USP37: variants seen among roughly 807,000 people sequenced by gnomAD.
The protein encoded by USP37 is ubiquitin specific peptidase 37.
USP37 carries 27 observed loss-of-function variants against 124.0 expected under a neutral mutation model. The observed-to-expected ratio is 0.22, with a 90% CI of 0.16 to 0.30. USP37 has a LOEUF of 0.30. Among genes scored for constraint, USP37 ranks in the 10% least tolerant of loss-of-function variants. The probability of loss-of-function intolerance (pLI) is 1.00; values close to 1 mark genes in which losing one functional copy is unlikely to be tolerated. For synonymous variants in USP37, 365 were observed against 388.0 expected (o/e 0.94, Z 0.70); for missense variants, 889 against 1,140.4 (o/e 0.78, Z 3.17).
chr2:218,519,872 G>C (rs542309817), intron 10 of USP37, among the ~76,000 whole-genome samples: 30 of 151,900 alleles, frequency 2.0e-4, no homozygotes, highest in Admixed American at 5.9e-4. Context: ...CAAAGTGCTG[G>C]GATTACAGGC....
At chr2:218,536,334 G>C (rs1234624974) in intron 8 of USP37, among the ~76,000 whole-genome samples, 1 of 152,120 alleles carries the variant, frequency 6.6e-6, no homozygotes, top group Non-Finnish European at 1.5e-5. Flanking sequence ...GCCCCACCTA[G>C]ATTCCCACTG....
At chr2:218,547,411 T>TTTG (rs60295941) in intron 6 of USP37, among the ~76,000 whole-genome samples, 56 of 151,776 alleles carry the variant, frequency 3.7e-4, no homozygotes, top group East Asian at 1.4e-3. Flanking sequence ...ATTCATCAGT[T>TTTG]TTGTTGTTGT....
chr2:218,556,064 G>A (rs998758197), intron 4 of USP37, among the ~76,000 whole-genome samples: 84 of 151,956 alleles, frequency 5.5e-4, no homozygotes, highest in African/African-American at 2.0e-3. Flanking sequence ...AAAGTCATCT[G>A]CCTAGCCCCA....
chr2:218,477,811 T>G (rs1217919454), intron 18 of USP37, among the ~76,000 whole-genome samples: 3 of 152,226 alleles, frequency 2.0e-5, no homozygotes, highest in Non-Finnish European at 2.9e-5. Context: ...TAGAAACATT[T>G]TCATCCAAAC....
intron 19 of USP37, 169 bp from the exon 20 acceptor site, chr2:218,475,054 A>C (rs141055941): frequency 1.2e-4 from 59 of 510,046 alleles, no homozygotes; most frequent in African/African-American, 1.1e-3. Context: ...GTCTAACTTT[A>C]AAAATAATAA....
intron 20 of USP37, among the ~76,000 whole-genome samples, chr2:218,473,462 G>A (rs1690800650): frequency 6.6e-6 from 1 of 152,182 alleles, no homozygotes; most frequent in Non-Finnish European, 1.5e-5. Context: ...TTACTTGCAT[G>A]CAAAATAATT....
chr2:218,495,775 G>C lies in USP37; in HGVS notation c.1457C>G (p.Ser486Cys). ...CACTACTTACGCTTTACAAATGATG[G>C]AGTGCTGAACCTCAAACTCCAAATT... ...ITNLEFEVQH[S>C]IICKACGEII... Residue 486 changes from serine (S) to cysteine (C), a missense_variant, in exon 14 of 26, where the codon TCC (serine) becomes TGC (cysteine). Ser to Cys is a moderately radical substitution (Grantham distance 112). Transcript: ENST00000258399. The C allele has an allele frequency of 1.9e-6, 3 of 1,610,032 alleles. No homozygotes were observed. The highest frequency in any genetic ancestry group is 2.5e-6 in the Non-Finnish European group (3 of 1,179,110).
chr2:218,482,130 G>A lies in USP37; in HGVS notation c.1775C>T (p.Ser592Phe). ...TGGTTTTGTATTTTCAGTGCAATGA[G>A]ATGACAGGGTCAGGTATCTTGGAAT... ...VIIPRYLTLS[S>F]HCTENTKPPF... The change falls in exon 17 of 26, where the codon TCT (serine) becomes TTT (phenylalanine). Residue 592 changes from serine (S) to phenylalanine (F), a missense_variant. Around this residue, in one of 3 missense-constraint regions of USP37, gnomAD observed 504 missense variants for 714.3 expected, o/e 0.71. Transcript: ENST00000258399. 1 of 1,613,838 alleles carries A rather than the reference G, an allele frequency of 6.2e-7. No homozygotes were observed. The highest frequency in any genetic ancestry group is 8.5e-7 in the Non-Finnish European group (1 of 1,179,828).
chr2:218,494,300 T>C (rs1486476768), intron 14 of USP37, among the ~76,000 whole-genome samples: 2 of 152,190 alleles, frequency 1.3e-5, no homozygotes, highest in African/African-American at 2.4e-5. Context: ...GGAGAACCAA[T>C]ATGGATTATG....
At chr2:218,557,035 TC>T (rs921049141) in intron 4 of USP37, among the ~76,000 whole-genome samples, 19 of 151,530 alleles carry the variant, frequency 1.3e-4, no homozygotes, top group African/African-American at 4.4e-4. Flanking sequence ...GCTATTTGTT[TC>T]TGAATTTTTT....
At chr2:218,502,792 A>G (rs779575978) in intron 11 of USP37, among the ~76,000 whole-genome samples, 1 of 152,204 alleles carries the variant, frequency 6.6e-6, no homozygotes, top group Non-Finnish European at 1.5e-5. Flanking sequence ...AAGTAGCATT[A>G]TAAGAAACCC....
intron 10 of USP37, among the ~76,000 whole-genome samples, chr2:218,517,815 C>T (rs1198880759): frequency 6.6e-6 from 1 of 152,186 alleles, no homozygotes; most frequent in Non-Finnish European, 1.5e-5. Context: ...TGTCCCTCTT[C>T]TTTGAGACTT....
At chr2:218,490,148 A>G (rs1691849810) in intron 14 of USP37, among the ~76,000 whole-genome samples, 1 of 152,098 alleles carries the variant, frequency 6.6e-6, no homozygotes. Context: ...TCAGGAAATC[A>G]AGACCATCCT....
intron 1 of USP37, 44 bp downstream of exon 1, chr2:218,568,134 T>C (rs1693762600): frequency 6.6e-6 from 1 of 151,598 alleles, no homozygotes; most frequent in African/African-American, 2.4e-5. Context: ...GAGGAGGAGG[T>C]AGGGAAAACG....
intron 10 of USP37, among the ~76,000 whole-genome samples, chr2:218,522,381 AG>A (rs1157068158): frequency 3.3e-5 from 5 of 150,646 alleles, no homozygotes; most frequent in Non-Finnish European, 7.4e-5. Flanking sequence ...TGGCCAACAT[AG>A]AAAGACCCCA....
At chr2:218,544,430 T>TATATAGAG (rs377397246) in intron 8 of USP37, among the ~76,000 whole-genome samples, 44 of 50,808 alleles carry the variant, frequency 8.7e-4, no homozygotes, top group Admixed American at 1.5e-3. Flanking sequence ...TATATATATA[T>TATATAGAG]AGAGAGAGAG....
intron 9 of USP37, among the ~76,000 whole-genome samples, chr2:218,532,531 C>T (rs1691392897): frequency 6.6e-6 from 1 of 151,748 alleles, no homozygotes; most frequent in Non-Finnish European, 1.5e-5. Flanking sequence ...GCAACCACCA[C>T]CCTAATTAGC....
intron 8 of USP37, among the ~76,000 whole-genome samples, chr2:218,538,705 T>A (rs1691798362): frequency 6.6e-6 from 1 of 152,196 alleles, no homozygotes; most frequent in Non-Finnish European, 1.5e-5. Flanking sequence ...AGGGCATCCC[T>A]TGAGAAAACC....
In USP37 at chr2:218,457,137, G is replaced by A; in HGVS notation, c.2668C>T (p.Arg890Trp). 1 of 1,613,834 alleles carries A rather than the reference G, an allele frequency of 6.2e-7. No individual in the cohort carries two copies. Among genetic ancestry groups the A allele is most frequent in the Non-Finnish European group, 8.5e-7 (1 of 1,179,920 alleles). The change falls in exon 24 of 26, where the codon CGG becomes TGG. Residue 890 changes from arginine to tryptophan, a missense_variant. By Grantham distance (101) the Arg-to-Trp change is moderately radical. Transcript: ENST00000258399. ...AETGNLPHSY[R>W]LISVVSHIGS... Reference sequence around the variant, plus strand: ...ATGTGACTGACAACACTGATGAGCCGGTACGAATGAGGCAGATTTCCTGTC... The same window carrying A: ...ATGTGACTGACAACACTGATGAGCCAGTACGAATGAGGCAGATTTCCTGTC...
Sources: gnomAD v4.1 joint callset for allele counts (sites outside exome capture counted in the v4.1 genomes callset) on GRCh38, gnomAD v4.1.1 for gene constraint, gnomAD v4.1.1 regional missense constraint, MANE v1.5 for transcripts, NCBI Gene and HGNC (gene_info 2026-07-23, HGNC 2026-07-21) for gene names.